Variants in VWF observed in about 807,000 individuals in gnomAD.
VWF encodes the protein Factor VIII related antigen.
Under a neutral mutation model 308.6 loss-of-function variants are expected in VWF, and 176 were observed. The observed-to-expected ratio is 0.57, with a 90% CI of 0.50 to 0.65. The LOEUF is 0.65. Among genes scored for constraint, VWF ranks in the 30% least tolerant of loss-of-function variants. VWF has a pLI of 0.00. For synonymous variants in VWF, 1,385 were observed against 1,443.4 expected (o/e 0.96, Z 0.92); for missense variants, 3,146 against 3,648.2 (o/e 0.86, Z 3.55).
rs1013564851 is a variant in VWF, at chr12:6,020,736, C to T, written c.3675-993G>A. ...AGCACTCCCAGTAAAGCTGACAAGG[C>T]GGCAGCGCCCTGAGCCTGGGAAGTG... On this transcript the variant is annotated intron_variant, in intron 27 of 51. Coordinates refer to ENST00000261405, the MANE Select transcript of VWF (RefSeq NM_000552.5). The surrounding 1 kb of genome is among the most constrained non-coding windows in gnomAD (Gnocchi z 4.3). 8.5e-5 allele frequency among the ~76,000 whole-genome samples: 13 copies of T among 152,254 alleles called. No individual in the cohort carries two copies. Among genetic ancestry groups the T allele is most frequent in the Non-Finnish European group, 1.3e-4 (9 of 68,042 alleles).
At chr12:6,111,679 G>A (rs941751801) in intron 3 of VWF, among the ~76,000 whole-genome samples, 10 of 152,288 alleles carry the variant, frequency 6.6e-5, no homozygotes, top group South Asian at 4.1e-4. Flanking sequence ...GGTCGAGTGC[G>A]GTGGCTCACG....
chr12:5,994,195 C>G lies in VWF; in HGVS notation c.6265G>C (p.Asp2089His), dbSNP rs984855564. The G allele has an allele frequency of 6.2e-7, 1 of 1,614,106 alleles. No individual in the cohort carries two copies. The highest frequency in any genetic ancestry group is 1.1e-5 in the South Asian group (1 of 91,076). The change falls in exon 37 of 52, where the codon GAT becomes CAT. Residue 2089 changes from aspartate to histidine, a missense_variant. By Grantham distance (81) the Asp-to-His change is moderately conservative (BLOSUM62 -1). Coordinates refer to ENST00000261405, the MANE Select transcript of VWF (RefSeq NM_000552.5). ...SKTYGLCGIC[D>H]ENGANDFMLR... ...ATGAAGTCATTGGCTCCGTTCTCATCACAGATCCCTAGAGAAACAAACAAA... is the reference window on the plus strand; with the variant it reads ...ATGAAGTCATTGGCTCCGTTCTCATGACAGATCCCTAGAGAAACAAACAAA...
chr12:6,004,064 T>C (rs1943902366), intron 34 of VWF, among the ~76,000 whole-genome samples: 1 of 152,052 alleles, frequency 6.6e-6, no homozygotes, highest in South Asian at 2.1e-4. Flanking sequence ...TTCATGATAA[T>C]GTCACTGGAT....
Position 6,019,823 on chromosome 12 carries a change from T to G in VWF, c.3675-80A>C, listed in dbSNP as rs1944111003. On this transcript the variant is annotated intron_variant, in intron 27 of 51. Coordinates refer to ENST00000261405, the MANE Select transcript of VWF (RefSeq NM_000552.5). The surrounding 1 kb of genome is among the most constrained non-coding windows in gnomAD (Gnocchi z 5.8). ...CTGAGCCCTACAGTGTACAATGACTTCCATATTCCCACAGAATCTCCTCTG... is the reference window on the plus strand; with the variant it reads ...CTGAGCCCTACAGTGTACAATGACTGCCATATTCCCACAGAATCTCCTCTG... 1.4e-6 allele frequency: 2 copies of G among 1,438,844 alleles called. No homozygotes were observed. Among genetic ancestry groups the G allele is most frequent in the Non-Finnish European group, 1.9e-6 (2 of 1,056,210 alleles). 89.1% of individuals were successfully genotyped at this position (1,438,844 alleles called of 1,614,324 possible). A position where few individuals can be genotyped will look rare whatever the true frequency, so the allele number is the denominator to read the frequency against.
intron 6 of VWF, among the ~76,000 whole-genome samples, chr12:6,090,840 C>G (rs994057434): frequency 2.6e-5 from 4 of 152,216 alleles, no homozygotes; most frequent in Non-Finnish European, 4.4e-5. Flanking sequence ...AAACCCACAC[C>G]CTTAGCACCA....
At chr12:6,048,059 C>T (rs944674798) in intron 16 of VWF, among the ~76,000 whole-genome samples, 1 of 152,220 alleles carries the variant, frequency 6.6e-6, no homozygotes, top group Non-Finnish European at 1.5e-5. Flanking sequence ...GGCCCCCATG[C>T]CCCTCAGCTC....
intron 6 of VWF, among the ~76,000 whole-genome samples, chr12:6,078,235 C>T (rs577773214): frequency 6.6e-5 from 10 of 152,162 alleles, no homozygotes; most frequent in African/African-American, 2.4e-4. Flanking sequence ...TAGTATCTTG[C>T]GTGCTCCTTA....
chr12:6,097,574 A>AC (rs1387622801), intron 5 of VWF, among the ~76,000 whole-genome samples: 1 of 152,202 alleles, frequency 6.6e-6, no homozygotes, highest in Non-Finnish European at 1.5e-5. Context: ...GTCAGGTATG[A>AC]CTGCAGATGG....
intron 16 of VWF, among the ~76,000 whole-genome samples, chr12:6,047,416 G>T (rs1250242319): frequency 2.6e-5 from 4 of 152,150 alleles, no homozygotes; most frequent in Admixed American, 6.5e-5. Context: ...CTCCTCCAGG[G>T]CTGATTCACT....
At position 6,022,163 on chromosome 12, in the gene VWF, C is replaced by T. The variant is rs1591865143; in HGVS notation, c.3539-128G>A. The T allele has an allele frequency of 2.3e-6, 3 of 1,293,874 alleles. No homozygotes were observed. In the African/African-American group the frequency reaches 4.4e-5, roughly 19 times the overall value. The allele number at this position is 1,293,874 out of a possible 1,614,324, so 80.1% of individuals were successfully genotyped here. A position where few individuals can be genotyped will look rare whatever the true frequency, so the allele number is the denominator to read the frequency against. On this transcript the variant is annotated intron_variant, in intron 26 of 51. Coordinates refer to ENST00000261405, the MANE Select transcript of VWF (RefSeq NM_000552.5). ...GAAGCCAACTCCTCCTGCCTGCACT[C>T]CCAGGGGTCACCCCATCACTCAAGG...
At chr12:6,001,107 A>G (rs1376503240) in intron 34 of VWF, among the ~76,000 whole-genome samples, 3 of 152,108 alleles carry the variant, frequency 2.0e-5, no homozygotes, top group Non-Finnish European at 4.4e-5. Context: ...AAACTGAAAA[A>G]CTGATTAATG....
rs114576090 is a variant in VWF at position 6,067,076 on chromosome 12, G to A, written c.1157-1803C>T. Among the ~76,000 whole-genome samples, 1,372 of 152,298 alleles carry A rather than the reference G, an allele frequency of 9.0e-3. 20 individuals are homozygous for A. Among genetic ancestry groups the A allele is most frequent in the African/African-American group, 0.031 (1,285 of 41,554 alleles). ...ATCAGCATGGCCCACCTTCTCCGCTGCCCCCTCTAGAAGAGCGGGAGTGAG... is the reference window on the plus strand; with the variant it reads ...ATCAGCATGGCCCACCTTCTCCGCTACCCCCTCTAGAAGAGCGGGAGTGAG... On this transcript the variant is annotated intron_variant, in intron 10 of 51. Transcript: ENST00000261405.
At chr12:5,979,131 A>G (rs1013628654) in intron 42 of VWF, among the ~76,000 whole-genome samples, 5 of 152,254 alleles carry the variant, frequency 3.3e-5, no homozygotes, top group African/African-American at 1.2e-4. Flanking sequence ...GCTGTCCTTG[A>G]CAGTTGCTAG....
intron 6 of VWF, among the ~76,000 whole-genome samples, chr12:6,079,848 G>A (rs375608667): frequency 3.3e-5 from 5 of 152,206 alleles, no homozygotes; most frequent in African/African-American, 1.2e-4. Flanking sequence ...AAGCCAGGAA[G>A]CTCAGCCTTC....
intron 22 of VWF, among the ~76,000 whole-genome samples, chr12:6,027,512 T>C (rs1274170507): frequency 6.6e-6 from 1 of 152,094 alleles, no homozygotes; most frequent in African/African-American, 2.4e-5. Context: ...CTGAATGTCA[T>C]CACAGGGTCT....
chr12:5,970,337 G>A (rs578103505), intron 44 of VWF, among the ~76,000 whole-genome samples: 1 of 152,286 alleles, frequency 6.6e-6, no homozygotes, highest in Admixed American at 6.5e-5. Flanking sequence ...GAGACTTGAG[G>A]TAGAGGAGAG....
At chr12:6,057,525 ATTT>A (rs1439348338) in intron 14 of VWF, among the ~76,000 whole-genome samples, 3 of 138,508 alleles carry the variant, frequency 2.2e-5, no homozygotes, top group East Asian at 2.1e-4. Flanking sequence ...TATTATTATT[ATTT>A]TAATAGAAAT....
chr12:5,978,786 G>A (rs1943560578), intron 42 of VWF, among the ~76,000 whole-genome samples: 1 of 152,194 alleles, frequency 6.6e-6, no homozygotes, highest in South Asian at 2.1e-4. Flanking sequence ...GCAACCCAGA[G>A]CCATAAATAT....
chr12:6,023,276 T>C (rs907688467), intron 25 of VWF, among the ~76,000 whole-genome samples: 11 of 152,132 alleles, frequency 7.2e-5, no homozygotes, highest in Admixed American at 2.0e-4. Flanking sequence ...CAAGATTCTA[T>C]AGACATGAAT....
Sources: allele counts gnomAD v4.1 joint callset (sites outside exome capture counted in the v4.1 genomes callset), GRCh38; gene constraint gnomAD v4.1.1; non-coding constraint Gnocchi (gnomAD v3.1); transcripts MANE v1.5; gene names NCBI Gene and HGNC (gene_info 2026-07-23, HGNC 2026-07-21).